Variants in RAD18 observed in about 807,000 individuals in gnomAD.
RAD18 encodes RAD18 E3 ubiquitin protein ligase.
A neutral mutation model predicts 60.4 loss-of-function variants in RAD18; 47 were observed. The ratio of observed to expected loss-of-function variants is 0.78; its 90% CI spans 0.62 to 0.99. The LOEUF is 0.99. Among genes scored for constraint, RAD18 ranks in the 50% least tolerant of loss-of-function variants. The pLI is 0.00. For synonymous variants in RAD18, 225 were observed against 195.5 expected (o/e 1.15, Z -1.26); for missense variants, 640 against 593.3 (o/e 1.08, Z -0.82).
Position 8,954,155 on chromosome 3 carries a change from A to C in RAD18, c.133+4765T>G, listed in dbSNP as rs1432720465. Among the ~76,000 whole-genome samples the C allele has an allele frequency of 2.6e-5, 4 of 152,184 alleles. No individual in the cohort carries two copies. The East Asian group carries it at 5.8e-4, about 22-fold the overall frequency. On this transcript the variant is annotated intron_variant, in intron 2 of 12. Coordinates refer to ENST00000264926, the MANE Select transcript of RAD18 (RefSeq NM_020165.4). ...TTGGAGGGATGTTATTCTCTTACCAACTAACTGTCCCTTAACATTAGAACT... is the reference window on the plus strand; with the variant it reads ...TTGGAGGGATGTTATTCTCTTACCACCTAACTGTCCCTTAACATTAGAACT...
chr3:8,933,405 A>T lies in RAD18; in HGVS notation c.889+2466T>A, dbSNP rs45537338. ...TCAGTTAGAGCAATGGCTAAATGACAATATACATTTGCCTAAATTCATCTA... is the reference window on the plus strand; with the variant it reads ...TCAGTTAGAGCAATGGCTAAATGACTATATACATTTGCCTAAATTCATCTA... On this transcript the variant is annotated intron_variant, in intron 7 of 12. Coordinates refer to ENST00000264926, the MANE Select transcript of RAD18 (RefSeq NM_020165.4). Among the ~76,000 whole-genome samples, 1,132 of 152,318 alleles carry T rather than the reference A, an allele frequency of 7.4e-3. 17 individuals carry two copies. Among genetic ancestry groups the T allele is most frequent in the African/African-American group, 0.026 (1,067 of 41,566 alleles).
At chr3:8,898,240 C>T (rs1939828601) in intron 11 of RAD18, among the ~76,000 whole-genome samples, 1 of 152,010 alleles carries the variant, frequency 6.6e-6, no homozygotes, top group African/African-American at 2.4e-5. Context: ...TAAAAAATAA[C>T]AATTATAAAC....
At chr3:8,962,673 G>C (rs1245700279) in intron 1 of RAD18, among the ~76,000 whole-genome samples, 1 of 152,210 alleles carries the variant, frequency 6.6e-6, no homozygotes, top group Non-Finnish European at 1.5e-5. Context: ...ACTGTAAATG[G>C]AAACTGGTAT....
intron 5 of RAD18, among the ~76,000 whole-genome samples, chr3:8,940,009 A>T (rs1940720396): frequency 6.6e-6 from 1 of 152,254 alleles, no homozygotes; most frequent in African/African-American, 2.4e-5. Flanking sequence ...GGAGCTATCC[A>T]TGTTTAGCCC....
chr3:8,919,916 A>T (rs1050332778), intron 7 of RAD18, among the ~76,000 whole-genome samples: 2 of 152,262 alleles, frequency 1.3e-5, no homozygotes, highest in African/African-American at 4.8e-5. Flanking sequence ...GGAAAAATAC[A>T]AACACGAAAA....
chr3:8,939,695 A>G, intron 5 of RAD18, 42 bp from the exon 6 acceptor site: 1 of 1,528,984 alleles, frequency 6.5e-7, no homozygotes, highest in Non-Finnish European at 9.0e-7. Flanking sequence ...TATTAATTGT[A>G]GAAGGGGCAA....
chr3:8,929,927 A>G lies in RAD18; in HGVS notation c.889+5944T>C, dbSNP rs547470173. Among the ~76,000 whole-genome samples, 550 of 152,336 alleles carry G rather than the reference A, an allele frequency of 3.6e-3. 1 individual carries two copies. Among genetic ancestry groups the G allele is most frequent in the Non-Finnish European group, 5.7e-3 (388 of 68,026 alleles). ...CAAACAAAGTGCTGGGATTACAGGC[A>G]TGAGCCACTGCGCCCGGCACAGCTG... On this transcript the variant is annotated intron_variant, in intron 7 of 12. Transcript: ENST00000264926.
chr3:8,942,045 T>C (rs1445534512), intron 4 of RAD18, among the ~76,000 whole-genome samples: 1 of 152,030 alleles, frequency 6.6e-6, no homozygotes, highest in African/African-American at 2.4e-5. Flanking sequence ...GAGAACAGCT[T>C]ATATGAGACC....
chr3:8,923,887 C>A (rs142792283), intron 7 of RAD18, among the ~76,000 whole-genome samples: 2,443 of 152,264 alleles, frequency 0.016, 71 homozygotes, highest in African/African-American at 0.056. Context: ...TACCACCAGG[C>A]CTGCCCTAAA....
intron 10 of RAD18, among the ~76,000 whole-genome samples, chr3:8,900,406 A>G (rs947569790): frequency 6.6e-6 from 1 of 152,232 alleles, no homozygotes; most frequent in Non-Finnish European, 1.5e-5. Flanking sequence ...CAGGAATTCA[A>G]CTTAAAACAA....
chr3:8,944,753 T>C (rs1416190974), intron 4 of RAD18, among the ~76,000 whole-genome samples: 2 of 152,166 alleles, frequency 1.3e-5, no homozygotes, highest in Admixed American at 6.5e-5. Flanking sequence ...GGGCTAAGAA[T>C]CAAGAGTCAA....
At chr3:8,946,569 T>C (rs954371053) in intron 4 of RAD18, among the ~76,000 whole-genome samples, 5 of 152,230 alleles carry the variant, frequency 3.3e-5, no homozygotes, top group African/African-American at 1.2e-4. Context: ...TCATATCCCT[T>C]TGGGTGACCA....
In RAD18 at chr3:8,941,610, T is replaced by C; in HGVS notation, c.461A>G (p.Lys154Arg). 1 of 1,614,180 alleles carries C rather than the reference T, an allele frequency of 6.2e-7. No individual in the cohort carries two copies. The highest frequency in any genetic ancestry group is 8.5e-7 in the Non-Finnish European group (1 of 1,180,012). Residue 154 changes from lysine to arginine, a missense_variant, in exon 5 of 13, where the codon AAA becomes AGA. Coordinates refer to ENST00000264926, the MANE Select transcript of RAD18 (RefSeq NM_020165.4). ...CTCTTTTTGAGGGCTGAATTTGCTT[T>C]TATTTTCTTTTATCAACAACTCTGA... ...STSELLIKENKSKFSPQKEAS... is the reference protein window; with the variant it reads ...STSELLIKENRSKFSPQKEAS...
At chr3:8,953,209 A>G (rs1382365106) in intron 2 of RAD18, among the ~76,000 whole-genome samples, 1 of 150,650 alleles carries the variant, frequency 6.6e-6, no homozygotes, top group Non-Finnish European at 1.5e-5. Flanking sequence ...TATACAATAT[A>G]GTGTATACAT....
chr3:8,939,722 A>G (rs957306929), intron 5 of RAD18, 69 bp from the exon 6 acceptor site: 4 of 1,289,466 alleles, frequency 3.1e-6, no homozygotes, highest in Admixed American at 4.3e-5. Flanking sequence ...GTAAACTGGC[A>G]TCTTTTCAGC....
chr3:8,919,654 T>C (rs1319326920), intron 7 of RAD18, among the ~76,000 whole-genome samples: 2 of 152,260 alleles, frequency 1.3e-5, no homozygotes, highest in South Asian at 2.1e-4. Flanking sequence ...CCCAGCTTCA[T>C]CTGCTCAAAT....
At position 8,912,343 on chromosome 3, in the gene RAD18, T is replaced by C. The variant is rs748622829; in HGVS notation, c.996A>G (p.Glu332=). 8 of 1,566,176 alleles carry C rather than the reference T, an allele frequency of 5.1e-6. No homozygotes were observed. The highest frequency in any genetic ancestry group is 6.9e-6 in the Non-Finnish European group (8 of 1,158,932). Reference sequence around the variant, plus strand: ...TACTGTGGATTTCATCTATTTCCTTTTCTGTTTGGTCCTTTGTAAAAACCA... The same window carrying C: ...TACTGTGGATTTCATCTATTTCCTTCTCTGTTTGGTCCTTTGTAAAAACCA... ...SVMVFTKDQT[E]KEIDEIHSKY... Residue 332 remains glutamate (E), a synonymous_variant, in exon 9 of 13, where the codon GAA becomes GAG. Coordinates refer to ENST00000264926, the MANE Select transcript of RAD18 (RefSeq NM_020165.4).
intron 11 of RAD18, among the ~76,000 whole-genome samples, chr3:8,897,979 G>T (rs1939821280): frequency 6.6e-6 from 1 of 152,126 alleles, no homozygotes; most frequent in South Asian, 2.1e-4. Flanking sequence ...AGCTGAGGTA[G>T]GAGAAATGCT....
At chr3:8,925,680 G>T (rs980272957) in intron 7 of RAD18, among the ~76,000 whole-genome samples, 1 of 152,066 alleles carries the variant, frequency 6.6e-6, no homozygotes, top group African/African-American at 2.4e-5. Flanking sequence ...TTGGCAAACC[G>T]AATCCAGCAG....
Sources: allele counts gnomAD v4.1 joint callset (sites outside exome capture counted in the v4.1 genomes callset), GRCh38; gene constraint gnomAD v4.1.1; transcripts MANE v1.5; gene names NCBI Gene and HGNC (gene_info 2026-07-23, HGNC 2026-07-21).